The following RORA variants were observed in gnomAD, a reference collection of about 807,000 sequenced individuals.
RORA encodes RAR related orphan receptor A, also known as nuclear receptor ROR-alpha.
Under a neutral mutation model 69.5 loss-of-function variants are expected in RORA, and 7 were observed. That is an observed-to-expected ratio of 0.10 (90% CI 0.06 to 0.19). RORA has a LOEUF of 0.19. Among genes scored for constraint, RORA ranks in the 10% least tolerant of loss-of-function variants. The probability of loss-of-function intolerance (pLI) is 1.00; values close to 1 mark genes in which losing one functional copy is unlikely to be tolerated. For missense variants in RORA, 457 were observed against 663.0 expected, an observed-to-expected ratio of 0.69 and a Z score of 3.41; for synonymous variants, 261 against 240.8, an observed-to-expected ratio of 1.08 and a Z score of -0.78.
intron 1 of RORA, among the ~76,000 whole-genome samples, chr15:61,146,757 A>C (rs1009946092): frequency 6.6e-6 from 1 of 152,190 alleles, no homozygotes; most frequent in Non-Finnish European, 1.5e-5. Context: ...TATTAAGTCA[A>C]TATGTCACCC....
intron 1 of RORA, among the ~76,000 whole-genome samples, chr15:60,781,226 C>T (rs144586960): frequency 2.4e-4 from 37 of 152,302 alleles, no homozygotes; most frequent in African/African-American, 8.7e-4. Context: ...GTCACTGCTG[C>T]TCCAGGTGAG....
rs1893487992 is a variant in RORA at position 60,964,203 on chromosome 15, T to C, written c.166+264850A>G. Among the ~76,000 whole-genome samples the C allele has an allele frequency of 2.0e-5, 3 of 152,258 alleles. No homozygotes were observed. The South Asian group carries it at 6.2e-4, about 31-fold the overall frequency. On this transcript the variant is annotated intron_variant, in intron 1 of 10. Coordinates refer to ENST00000335670, the MANE Select transcript of RORA (RefSeq NM_134261.3). ...ACCCCTGAATGGTTTTCCCATTCTG[T>C]TGAAGCCATGTTGGGGCTCTATGGA...
At chr15:61,033,901 CA>C (rs35596498) in intron 1 of RORA, among the ~76,000 whole-genome samples, 145,701 of 150,794 alleles carry the variant, frequency 0.97, 70,572 homozygotes, top group East Asian at 1. Flanking sequence ...GACCATGTCT[CA>C]AAAAAAAAAA....
intron 1 of RORA, among the ~76,000 whole-genome samples, chr15:61,127,896 C>T (rs1034225845): frequency 4.6e-5 from 7 of 152,068 alleles, no homozygotes; most frequent in South Asian, 2.1e-4. Context: ...GGCCAGCCAC[C>T]GGACCCCCAC....
chr15:60,995,348 G>C (rs1025786024), intron 1 of RORA, among the ~76,000 whole-genome samples: 1 of 152,160 alleles, frequency 6.6e-6, no homozygotes, highest in Non-Finnish European at 1.5e-5. Flanking sequence ...TGAGCTTCCC[G>C]AGTGTTCTCA....
intron 1 of RORA, among the ~76,000 whole-genome samples, chr15:61,027,902 T>A (rs943154583): frequency 1.3e-5 from 2 of 152,166 alleles, no homozygotes; most frequent in African/African-American, 4.8e-5. Flanking sequence ...CTTACAAACC[T>A]AAAGCCCATA....
intron 1 of RORA, among the ~76,000 whole-genome samples, chr15:61,039,734 G>A (rs1896642426): frequency 1.6e-5 from 2 of 122,262 alleles, no homozygotes; most frequent in Non-Finnish European, 1.6e-5. Flanking sequence ...GACAGAGTGA[G>A]ACTCTGTCTC....
intron 1 of RORA, among the ~76,000 whole-genome samples, chr15:60,882,771 T>C (rs2073699454): frequency 6.6e-6 from 1 of 152,170 alleles, no homozygotes. Flanking sequence ...TTCTGATACG[T>C]TCAGCCAAGA....
chr15:61,125,467 G>A (rs1219552691), intron 1 of RORA, among the ~76,000 whole-genome samples: 18 of 152,158 alleles, frequency 1.2e-4, no homozygotes, highest in South Asian at 2.1e-4. Context: ...AAACAAGTGG[G>A]CACAAAGAGC....
intron 1 of RORA, among the ~76,000 whole-genome samples, chr15:61,159,618 C>T (rs1212022308): frequency 3.3e-5 from 5 of 152,144 alleles, no homozygotes; most frequent in Non-Finnish European, 4.4e-5. Flanking sequence ...AACCTAACAT[C>T]GTGTTCCAAA....
chr15:61,139,699 C>T (rs575601835), intron 1 of RORA, among the ~76,000 whole-genome samples: 2 of 152,330 alleles, frequency 1.3e-5, no homozygotes, highest in South Asian at 4.1e-4. Context: ...TCACCAACCT[C>T]TTAATGAAAT....
chr15:60,740,190 C>T (rs1036259970), intron 1 of RORA, among the ~76,000 whole-genome samples: 16 of 152,080 alleles, frequency 1.1e-4, no homozygotes, highest in African/African-American at 3.9e-4. Context: ...CTGTCTGTGG[C>T]TCAATGGTTT....
chr15:61,088,723 C>T lies in RORA; in HGVS notation c.166+140330G>A, dbSNP rs560393634. On this transcript the variant is annotated intron_variant, in intron 1 of 10. Coordinates refer to ENST00000335670, the MANE Select transcript of RORA (RefSeq NM_134261.3). The stretch of plus-strand genomic sequence containing the variant: ...GGCTAGTAAACTAGTAAACTAACAA[C>T]GAAGCCACCAGGGAAGAAAAACACT... Among the ~76,000 whole-genome samples the T allele has an allele frequency of 8.5e-5, 13 of 152,188 alleles. 1 individual carries two copies. The South Asian group carries it at 1.5e-3, about 17-fold the overall frequency.
rs1176814198 is a variant in RORA at position 60,537,946 on chromosome 15, A to C, written c.197-6095T>G. On this transcript the variant is annotated intron_variant, in intron 2 of 10. Coordinates refer to ENST00000335670, the MANE Select transcript of RORA (RefSeq NM_134261.3). The surrounding 1 kb of genome is among the most constrained non-coding windows in gnomAD (Gnocchi z 4.9). ...TTGCAGAATTCTATATAGTTTTCAA[A>C]GTTTTTATCCTTGTTAGCTTGCTTT... 6.6e-6 allele frequency among the ~76,000 whole-genome samples: 1 copy of C among 152,140 alleles called. No individual in the cohort carries two copies. Among genetic ancestry groups the C allele is most frequent in the African/African-American group, 2.4e-5 (1 of 41,422 alleles).
intron 1 of RORA, among the ~76,000 whole-genome samples, chr15:60,878,276 G>A (rs1595786082): frequency 6.7e-6 from 1 of 148,942 alleles, no homozygotes; most frequent in Non-Finnish European, 1.5e-5. Context: ...CCTGGGAGGC[G>A]GAGCTTGCAG....
chr15:60,648,377 C>G (rs1291056825), intron 2 of RORA, among the ~76,000 whole-genome samples: 4 of 152,172 alleles, frequency 2.6e-5, no homozygotes, highest in Non-Finnish European at 5.9e-5. Flanking sequence ...AAAAATAATT[C>G]TGAAGATTTT....
chr15:60,947,688 T>TCAAAAAAA (rs1555396692), intron 1 of RORA, among the ~76,000 whole-genome samples: 1 of 102,952 alleles, frequency 9.7e-6, no homozygotes, highest in African/African-American at 4.2e-5. Context: ...GAATGATCAA[T>TCAAAAAAA]AAAAAAAAAA....
intron 1 of RORA, among the ~76,000 whole-genome samples, chr15:60,700,638 T>A (rs908192207): frequency 4.0e-5 from 6 of 151,296 alleles, no homozygotes; most frequent in African/African-American, 1.5e-4. Context: ...AACAAAATGC[T>A]GTATTCAAGG....
At chr15:60,525,898 G>C (rs1424911177) in intron 3 of RORA, among the ~76,000 whole-genome samples, 3 of 152,146 alleles carry the variant, frequency 2.0e-5, no homozygotes, top group Admixed American at 6.5e-5. Context: ...CTCTGGATCA[G>C]TGTGGGCCAA....
Sources: allele counts gnomAD v4.1 joint callset (sites outside exome capture counted in the v4.1 genomes callset), GRCh38; gene constraint gnomAD v4.1.1; non-coding constraint Gnocchi (gnomAD v3.1); transcripts MANE v1.5; gene names NCBI Gene and HGNC (gene_info 2026-07-23, HGNC 2026-07-21).